Variants in XIRP2 observed in about 807,000 individuals in gnomAD.
The protein encoded by XIRP2 is xin actin binding repeat containing 2.
A neutral mutation model predicts 277.0 loss-of-function variants in XIRP2; 236 were observed. The ratio of observed to expected loss-of-function variants is 0.85; its 90% CI spans 0.77 to 0.95. The LOEUF (loss-of-function observed/expected upper bound fraction) is 0.95, where lower values mean the gene tolerates loss of function less well. Ranked by LOEUF, XIRP2 falls within the 40% of genes least tolerant of loss-of-function variation. The pLI is 0.00. For missense variants in XIRP2, 4,640 were observed against 4,157.5 expected (o/e 1.12, Z -3.19); for synonymous variants, 1,490 against 1,416.5 (o/e 1.05, Z -1.17).
In XIRP2 at chr2:166,986,303, A is replaced by C. The variant is rs533901070; in HGVS notation, c.408+82413A>C. On this transcript the variant is annotated intron_variant, in intron 2 of 10. Coordinates refer to ENST00000409195, the MANE Select transcript of XIRP2 (RefSeq NM_152381.6). ...ACTTCTTCAATATAGAGTGAGACTC[A>C]TCATAATTAACATCTCAAAATCTCT... is the stretch of plus-strand genomic sequence containing the variant. Among the ~76,000 whole-genome samples the C allele has an allele frequency of 5.9e-5, 9 of 152,346 alleles. No individual in the cohort carries two copies. The East Asian group carries it at 1.5e-3, about 26-fold the overall frequency.
intron 2 of XIRP2, among the ~76,000 whole-genome samples, chr2:166,927,594 T>A (rs1043886577): frequency 2.0e-5 from 3 of 152,174 alleles, no homozygotes; most frequent in Admixed American, 6.6e-5. Context: ...TGACCCCCGC[T>A]TCTACTTCCC....
At chr2:167,001,146 G>T (rs1025385085) in intron 2 of XIRP2, among the ~76,000 whole-genome samples, 1 of 151,948 alleles carries the variant, frequency 6.6e-6, no homozygotes, top group African/African-American at 2.4e-5. Context: ...TAGTGGGGTG[G>T]ATGATTTAAT....
intron 2 of XIRP2, among the ~76,000 whole-genome samples, chr2:167,022,868 G>T (rs1688025405): frequency 6.6e-6 from 1 of 152,128 alleles, no homozygotes; most frequent in Non-Finnish European, 1.5e-5. Context: ...TGGACATTTG[G>T]GTTGGTTCCA....
intron 2 of XIRP2, among the ~76,000 whole-genome samples, chr2:166,908,825 T>C (rs897790105): frequency 1.3e-5 from 2 of 152,314 alleles, no homozygotes; most frequent in Non-Finnish European, 2.9e-5. Flanking sequence ...AGTTTCAGAT[T>C]TCTACATATG....
At chr2:167,100,545 G>A (rs923538668) in intron 2 of XIRP2, among the ~76,000 whole-genome samples, 1 of 152,174 alleles carries the variant, frequency 6.6e-6, no homozygotes. Flanking sequence ...CTTGGCCTAA[G>A]AAGGAAGCTA....
At chr2:167,187,463 G>C in intron 3 of XIRP2, 1 of 985,386 alleles carries the variant, frequency 1.0e-6, no homozygotes, top group Non-Finnish European at 1.2e-6. Flanking sequence ...GAGGAAGCTA[G>C]TCTGTGAAGA....
At position 167,258,925 on chromosome 2, in the gene XIRP2, G is replaced by T. The variant is rs750637026; in HGVS notation, c.*1108G>T. 70 of 1,612,984 alleles carry T rather than the reference G, an allele frequency of 4.3e-5. 1 individual carries two copies. The South Asian group carries it at 7.4e-4, about 17-fold the overall frequency. On this transcript the variant is annotated 3_prime_UTR_variant, in exon 11 of 11. Coordinates refer to ENST00000409195, the MANE Select transcript of XIRP2 (RefSeq NM_152381.6). The stretch of plus-strand genomic sequence containing the variant: ...ACAGAGCAGCTGCTGGCAGTCCTGT[G>T]CAGCCTGCTCCAAAACCAAGCCTCA...
chr2:166,940,063 C>T (rs754169160), intron 2 of XIRP2, among the ~76,000 whole-genome samples: 1 of 152,192 alleles, frequency 6.6e-6, no homozygotes, highest in East Asian at 1.9e-4. Context: ...GTTCCATTCT[C>T]CCTGTCACTT....
chr2:167,131,129 A>G (rs1275738219), intron 2 of XIRP2, among the ~76,000 whole-genome samples: 1 of 152,088 alleles, frequency 6.6e-6, no homozygotes, highest in East Asian at 1.9e-4. Context: ...TCTTCAAGCT[A>G]CCAAGCTTGC....
At chr2:167,072,066 C>T (rs1299269681) in intron 2 of XIRP2, among the ~76,000 whole-genome samples, 1 of 152,076 alleles carries the variant, frequency 6.6e-6, no homozygotes, top group Non-Finnish European at 1.5e-5. Flanking sequence ...TCATTTAATA[C>T]AGCAGCACAA....
chr2:166,995,602 T>C (rs1687199520), intron 2 of XIRP2, among the ~76,000 whole-genome samples: 1 of 152,202 alleles, frequency 6.6e-6, no homozygotes, highest in Admixed American at 6.5e-5. Context: ...TACTATAAAA[T>C]TAAAGATAGA....
chr2:167,097,876 C>G (rs531160391), intron 2 of XIRP2, among the ~76,000 whole-genome samples: 26 of 152,258 alleles, frequency 1.7e-4, no homozygotes, highest in African/African-American at 5.3e-4. Context: ...AATATTGGCC[C>G]CCACTCTCTT....
chr2:166,967,204 C>T (rs538482638), intron 2 of XIRP2, among the ~76,000 whole-genome samples: 15 of 151,844 alleles, frequency 9.9e-5, no homozygotes, highest in East Asian at 3.9e-4. Context: ...TAAAATAAAA[C>T]GTTTGCTGAA....
At position 167,245,076 on chromosome 2, in the gene XIRP2, TG is replaced by T; in HGVS notation, c.3685del (p.Glu1229LysfsTer9). ...VLKKIKTLKT[E>X]DIQKGNVLNC... is the part of the protein sequence containing the mutation. Reference sequence around the variant, plus strand: ...TGAAAAAGATCAAAACCTTAAAAACTGAAGATATTCAGAAAGGCAATGTTTT... The same window carrying T: ...TGAAAAAGATCAAAACCTTAAAAACTAAGATATTCAGAAAGGCAATGTTTT... On this transcript the variant is annotated frameshift_variant, in exon 9 of 11. Coordinates refer to ENST00000409195, the MANE Select transcript of XIRP2 (RefSeq NM_152381.6). LOFTEE classifies it high-confidence loss of function. 6.2e-7 allele frequency: 1 copy of T among 1,610,334 alleles called. No individual in the cohort carries two copies. The highest frequency in any genetic ancestry group is 8.5e-7 in the Non-Finnish European group (1 of 1,178,930).
intron 3 of XIRP2, among the ~76,000 whole-genome samples, chr2:167,141,447 TGAA>T (rs1691715696): frequency 6.6e-6 from 1 of 151,988 alleles, no homozygotes; most frequent in Non-Finnish European, 1.5e-5. Flanking sequence ...GAAAAAATAA[TGAA>T]GAAGTAAATG....
chr2:167,190,025 C>T (rs1215044936), intron 3 of XIRP2, among the ~76,000 whole-genome samples: 1 of 152,108 alleles, frequency 6.6e-6, no homozygotes, highest in African/African-American at 2.4e-5. Context: ...TGTTATTACT[C>T]GTATATTATA....
At chr2:167,075,659 CTT>C (rs1333522092) in intron 2 of XIRP2, among the ~76,000 whole-genome samples, 1 of 151,970 alleles carries the variant, frequency 6.6e-6, no homozygotes, top group Non-Finnish European at 1.5e-5. Context: ...TAATACTTGT[CTT>C]TTTTAGTTTC....
intron 2 of XIRP2, among the ~76,000 whole-genome samples, chr2:167,000,052 G>T (rs1426914316): frequency 6.6e-6 from 1 of 152,132 alleles, no homozygotes; most frequent in African/African-American, 2.4e-5. Context: ...TGTGATTGCA[G>T]AAAACCCAAC....
intron 2 of XIRP2, among the ~76,000 whole-genome samples, chr2:167,027,004 G>C (rs920757829): frequency 1.3e-5 from 2 of 152,004 alleles, no homozygotes; most frequent in Non-Finnish European, 2.9e-5. Context: ...TTCTTGAGGA[G>C]TATCTTTGTG....
Sources: allele counts gnomAD v4.1 joint callset (sites outside exome capture counted in the v4.1 genomes callset), GRCh38; gene constraint gnomAD v4.1.1; transcripts MANE v1.5; gene names NCBI Gene and HGNC (gene_info 2026-07-23, HGNC 2026-07-21).